SERPINB8: variants seen among roughly 807,000 people sequenced by gnomAD.
SERPINB8 encodes the protein serpin family B member 8, also known as serpin B8.
A neutral mutation model predicts 35.3 loss-of-function variants in SERPINB8; 25 were observed. The ratio of observed to expected loss-of-function variants is 0.71; its 90% confidence interval spans 0.52 to 0.99. The LOEUF is 0.99. Ranked by LOEUF, SERPINB8 falls within the 50% of genes least tolerant of loss-of-function variation. The pLI is 0.00. For missense variants in SERPINB8, 484 were observed against 446.5 expected (o/e 1.08, Z -0.76); for synonymous variants, 186 against 160.8 (o/e 1.16, Z -1.19).
chr18:64,004,748 G>A (rs1352520204), intron 1 of SERPINB8: 4 of 397,912 alleles, frequency 1.0e-5, no homozygotes, highest in Non-Finnish European at 1.8e-5. Context: ...AAACTTTAAA[G>A]GAATGCTTCT....
At chr18:64,010,996 A>G (rs551769070) in intron 7 of SERPINB8, among the ~76,000 whole-genome samples, 2 of 151,976 alleles carry the variant, frequency 1.3e-5, no homozygotes, top group East Asian at 3.9e-4. Flanking sequence ...TATGAGCATG[A>G]TATATTTCAC....
chr18:64,010,978 C>T (rs372435786), intron 7 of SERPINB8, among the ~76,000 whole-genome samples: 1 of 151,446 alleles, frequency 6.6e-6, no homozygotes, highest in East Asian at 1.9e-4. Context: ...TACACACACA[C>T]ATTGTTTTAT....
rs372830406 is a variant in SERPINB8 at position 63,979,808 on chromosome 18, G to C, written c.176G>C (p.Cys59Ser). The C allele has an allele frequency of 6.2e-7, 1 of 1,614,018 alleles. No individual in the cohort carries two copies. ...GTTGGTTTCTGTTCCCAGGCACTTT[G>C]TTTATACAAAGACGGAGATATTCAC... ...STAAQMSQALCLYKDGDIHRG... is the reference protein window; with the variant it reads ...STAAQMSQALSLYKDGDIHRG... The change falls in exon 3 of 7, where the codon TGT becomes TCT. Residue 59 changes from cysteine (C) to serine (S), a missense_variant. Coordinates refer to ENST00000397985, the MANE Select transcript of SERPINB8 (RefSeq NM_002640.4).
chr18:64,009,289 T>C (rs2050914933), downstream of SERPINB8, among the ~76,000 whole-genome samples: 1 of 152,232 alleles, frequency 6.6e-6, no homozygotes. Flanking sequence ...ATTGATGCAA[T>C]GTAATTCTAG....
chr18:63,973,785 T>C (rs940470510), intron 1 of SERPINB8, among the ~76,000 whole-genome samples: 3 of 152,224 alleles, frequency 2.0e-5, no homozygotes, highest in Non-Finnish European at 4.4e-5. Context: ...TTGTCAAAGA[T>C]CAGATGGTTG....
chr18:64,006,333 C>A (rs371145501), downstream of SERPINB8, among the ~76,000 whole-genome samples: 5 of 152,294 alleles, frequency 3.3e-5, no homozygotes, highest in South Asian at 8.3e-4. Flanking sequence ...TATGTTGAAG[C>A]TCTAACCCCC....
downstream of SERPINB8, among the ~76,000 whole-genome samples, chr18:63,994,343 C>T (rs1275733645): frequency 6.6e-6 from 1 of 152,132 alleles, no homozygotes; most frequent in African/African-American, 2.4e-5. Context: ...CTCTTTCTCT[C>T]TCTCTCTCTC....
In SERPINB8 at chr18:63,987,599, T is replaced by TATGTGCTCG. The variant is rs71162693; in HGVS notation, c.*321_*322insATGTGCTCG. The TATGTGCTCG allele has an allele frequency of 1.3e-4, 36 of 270,384 alleles. No individual in the cohort carries two copies. The highest frequency in any genetic ancestry group is 6.6e-4 in the African/African-American group (30 of 45,298). 16.7% of individuals were successfully genotyped at this position (270,384 alleles called of 1,614,324 possible). ...CTCAGGGCTTCAGGAGCCAGCCCTCTTCCATCCGCCCGGCTCTGCCCACCA... is the reference window on the plus strand; with the variant it reads ...CTCAGGGCTTCAGGAGCCAGCCCTCTATGTGCTCGTCCATCCGCCCGGCTCTGCCCACCA... On this transcript the variant is annotated 3_prime_UTR_variant, in exon 7 of 7. Coordinates refer to ENST00000397985, the MANE Select transcript of SERPINB8 (RefSeq NM_002640.4).
At chr18:64,008,528 T>C (rs10871805), downstream of SERPINB8, among the ~76,000 whole-genome samples, 89,500 of 151,368 alleles carry the variant, frequency 0.59, 26,739 homozygotes, top group South Asian at 0.69. Flanking sequence ...GGATTGCAGA[T>C]GTGAGCCACC....
intron 5 of SERPINB8, among the ~76,000 whole-genome samples, chr18:63,983,942 G>A (rs967112284): frequency 2.0e-5 from 3 of 152,136 alleles, no homozygotes; most frequent in Admixed American, 1.3e-4. Context: ...GACCTCCCAG[G>A]CTCAAATGAT....
In SERPINB8 at chr18:63,987,269, T is replaced by C. The variant is rs1208084981; in HGVS notation, c.1116T>C (p.Ser372=). Residue 372 remains serine, a synonymous_variant, in exon 7 of 7, where the codon TCT becomes TCC. Coordinates refer to ENST00000397985, the MANE Select transcript of SERPINB8 (RefSeq NM_002640.4). ...TNCILFCGRF[S]SP ...GCATCTTGTTCTGTGGCAGGTTCTC[T>C]TCTCCGTAAAGAGGAGCAATTGCTG... 1.2e-6 allele frequency: 2 copies of C among 1,611,750 alleles called. No homozygotes were observed. Among genetic ancestry groups the C allele is most frequent in the Admixed American group, 1.7e-5 (1 of 59,866 alleles).
intron 1 of SERPINB8, among the ~76,000 whole-genome samples, chr18:63,974,543 G>A (rs1008879733): frequency 1.3e-5 from 2 of 152,146 alleles, no homozygotes; most frequent in Admixed American, 1.3e-4. Context: ...TTGTTTGCCT[G>A]AAAAGGAAAA....
chr18:64,002,834 G>A (rs1029574708), intron 1 of SERPINB8, among the ~76,000 whole-genome samples: 12 of 152,218 alleles, frequency 7.9e-5, no homozygotes, highest in Admixed American at 3.3e-4. Context: ...CCCCACCGCC[G>A]CCTGCAGTCG....
chr18:64,012,382 A>G (rs1007833527), intron 7 of SERPINB8, among the ~76,000 whole-genome samples: 2 of 152,154 alleles, frequency 1.3e-5, no homozygotes, highest in Admixed American at 1.3e-4. Context: ...TAGAAAGTAT[A>G]CACATCAAAT....
At chr18:64,013,669 A>C (rs1476829596) in intron 7 of SERPINB8, among the ~76,000 whole-genome samples, 1 of 152,260 alleles carries the variant, frequency 6.6e-6, no homozygotes, top group Non-Finnish European at 1.5e-5. Flanking sequence ...TGCCATGAAA[A>C]GGTAACCTGG....
At chr18:64,002,495 G>A (rs1253125381) in intron 1 of SERPINB8, among the ~76,000 whole-genome samples, 1 of 152,164 alleles carries the variant, frequency 6.6e-6, no homozygotes, top group African/African-American at 2.4e-5. Flanking sequence ...AGCCCAAAGC[G>A]TGGATGAGTC....
intron 4 of SERPINB8, 115 bp downstream of exon 4, chr18:63,981,953 G>A (rs771091461): frequency 6.9e-5 from 47 of 676,380 alleles, no homozygotes; most frequent in Non-Finnish European, 1.1e-4. Flanking sequence ...AGGCCTGTTT[G>A]TATGTGTTTG....
At chr18:64,012,694 A>G (rs1365047878) in intron 7 of SERPINB8, among the ~76,000 whole-genome samples, 4 of 152,084 alleles carry the variant, frequency 2.6e-5, no homozygotes, top group South Asian at 2.1e-4. Flanking sequence ...CTGAGTGTCA[A>G]TCTTGGTTCT....
intron 1 of SERPINB8, among the ~76,000 whole-genome samples, chr18:63,974,174 G>T (rs628241): frequency 0.02 from 3,039 of 152,048 alleles, 94 homozygotes; most frequent in African/African-American, 0.07. Flanking sequence ...TTTTTTCTGA[G>T]GATTTCCATA....
Sources: allele counts gnomAD v4.1 joint callset (sites outside exome capture counted in the v4.1 genomes callset), GRCh38; gene constraint gnomAD v4.1.1; transcripts MANE v1.5; gene names NCBI Gene and HGNC (gene_info 2026-07-23, HGNC 2026-07-21).